HSD17B4: variants seen among roughly 807,000 people sequenced by gnomAD.
HSD17B4 encodes hydroxysteroid 17-beta dehydrogenase 4.
A neutral mutation model predicts 101.0 loss-of-function variants in HSD17B4; 70 were observed. The observed-to-expected ratio is 0.69, with a 90% CI of 0.57 to 0.85. The LOEUF is 0.85. Ranked by LOEUF, HSD17B4 falls within the 40% of genes least tolerant of loss-of-function variation. The probability of loss-of-function intolerance (pLI) is 0.00; values close to 1 mark genes in which losing one functional copy is unlikely to be tolerated. For synonymous variants in HSD17B4, 347 were observed against 297.1 expected (o/e 1.17, Z -1.73); for missense variants, 984 against 892.4 (o/e 1.10, Z -1.31).
At position 119,527,168 on chromosome 5, in the gene HSD17B4, T is replaced by C. The variant is rs756875057; in HGVS notation, c.1716T>C (p.Thr572=). The change falls in exon 20 of 24, where the codon ACT becomes ACC. Residue 572 remains threonine, a synonymous_variant. Coordinates refer to ENST00000510025, the MANE Select transcript of HSD17B4 (RefSeq NM_000414.4). ...RFAKPVYPGQ[T]LQTEMWKEGN... is the part of the protein sequence containing the mutation. ...CAAAACCAGTATATCCAGGACAAAC[T>C]CTACAAACTGAGATGTGGAAGGAAG... is the stretch of plus-strand genomic sequence containing the variant. The C allele has an allele frequency of 4.3e-6, 7 of 1,610,368 alleles. No homozygotes were observed. The Admixed American group carries it at 1.2e-4, about 27-fold the overall frequency.
Position 119,456,476 on chromosome 5 carries a change from T to A in HSD17B4, c.112+108T>A, listed in dbSNP as rs1754678305. The A allele has an allele frequency of 8.5e-6, 7 of 826,618 alleles. No individual in the cohort carries two copies. In the Admixed American group the frequency reaches 1.5e-4, roughly 17 times the overall value. The allele number at this position is 826,618 out of a possible 1,614,324, so 51.2% of individuals were successfully genotyped here. On this transcript the variant is annotated intron_variant, in intron 2 of 23. Transcript: ENST00000510025. Reference sequence around the variant, plus strand: ...ATAATTTGTCAAGGTTGAATTTTATTATTAATTTTTACTTTTGCCAGAAGG... The same window carrying A: ...ATAATTTGTCAAGGTTGAATTTTATAATTAATTTTTACTTTTGCCAGAAGG...
chr5:119,452,930 G>A, intron 1 of HSD17B4: 1 of 1,240,774 alleles, frequency 8.1e-7, no homozygotes, highest in East Asian at 2.5e-5. Flanking sequence ...AGTTCTCCCT[G>A]ACCCTTATCT....
rs775832137 is a variant in HSD17B4, at chr5:119,477,488, CAG to C, written c.423_424del (p.Lys142ValfsTer23). The stretch of plus-strand genomic sequence containing the variant: ...GGCAGCATGGGAACACATGAAGAAA[CAG>C]AAGTATGGAAGGTAGAGTTGCATGT... ...TRAAWEHMKK[Q>X]KYGRIIMTSS... On this transcript the variant is annotated frameshift_variant, in exon 7 of 24. Transcript: ENST00000510025. LOFTEE classifies it high-confidence loss of function. 3 of 1,611,542 alleles carry C rather than the reference CAG, an allele frequency of 1.9e-6. No individual in the cohort carries two copies. Among genetic ancestry groups the C allele is most frequent in the African/African-American group, 1.3e-5 (1 of 74,778 alleles).
chr5:119,468,464 A>G (rs925032973), intron 2 of HSD17B4, among the ~76,000 whole-genome samples: 1 of 150,046 alleles, frequency 6.7e-6, no homozygotes, highest in Non-Finnish European at 1.5e-5. Flanking sequence ...CCTGGCTTGT[A>G]ATGTTTCTGC....
At chr5:119,485,148 C>T (rs1749501806) in intron 8 of HSD17B4, among the ~76,000 whole-genome samples, 1 of 152,130 alleles carries the variant, frequency 6.6e-6, no homozygotes, top group Admixed American at 6.6e-5. Context: ...AAGAGACAAA[C>T]CACTAGTTAG....
chr5:119,508,333 A>G (rs767974414), intron 15 of HSD17B4, among the ~76,000 whole-genome samples: 15 of 152,190 alleles, frequency 9.9e-5, no homozygotes, highest in Non-Finnish European at 2.1e-4. Flanking sequence ...TTAGTATATT[A>G]GAATTTGTAG....
chr5:119,492,984 C>T (rs1028614185), intron 10 of HSD17B4: 1 of 152,088 alleles, frequency 6.6e-6, no homozygotes, highest in African/African-American at 2.4e-5. Context: ...TGGTCATTTT[C>T]TCTAATTGTT....
chr5:119,496,664 C>T lies in HSD17B4; in HGVS notation c.972+18C>T, dbSNP rs765456085. On this transcript the variant is annotated intron_variant, in intron 12 of 23. Coordinates refer to ENST00000510025, the MANE Select transcript of HSD17B4 (RefSeq NM_000414.4). Reference sequence around the variant, plus strand: ...CAGGATTTGTAAGTGGGAAAAAAGCCTAAAGCGTTTGCCTTCTCTGGAGAC... The same window carrying T: ...CAGGATTTGTAAGTGGGAAAAAAGCTTAAAGCGTTTGCCTTCTCTGGAGAC... The T allele has an allele frequency of 7.2e-7, 1 of 1,396,714 alleles. No homozygotes were observed. The allele number at this position is 1,396,714 out of a possible 1,614,324, so 86.5% of individuals were successfully genotyped here. A position where few individuals can be genotyped will look rare whatever the true frequency, so the allele number is the denominator to read the frequency against.
intron 14 of HSD17B4, 124 bp from the exon 15 acceptor site, chr5:119,506,694 A>G (rs1248700150): frequency 4.0e-5 from 24 of 593,046 alleles, no homozygotes; most frequent in Non-Finnish European, 6.2e-6. Flanking sequence ...CAGGAACACT[A>G]TTTCAAACCA....
intron 2 of HSD17B4, among the ~76,000 whole-genome samples, chr5:119,462,248 A>ATTTTTTTTT (rs10524491): frequency 0.012 from 347 of 30,034 alleles, 69 homozygotes; most frequent in African/African-American, 0.015. Flanking sequence ...AACAAATGTG[A>ATTTTTTTTT]TTTTTTTTTT....
rs758790787 is a variant in HSD17B4, at chr5:119,515,430, C to T, written c.1503+384C>T. The stretch of plus-strand genomic sequence containing the variant: ...GCAAGTAAGTATTAGTCATCCTTTC[C>T]TCTTTGGGAAAGAAAGCAATGCCAC... On this transcript the variant is annotated intron_variant, in intron 17 of 23. Transcript: ENST00000510025. Among the ~76,000 whole-genome samples, 7 of 152,248 alleles carry T rather than the reference C, an allele frequency of 4.6e-5. No homozygotes were observed. The South Asian group carries it at 1.5e-3, about 32-fold the overall frequency.
At chr5:119,526,131 T>C in intron 19 of HSD17B4, 108 bp downstream of exon 19, 1 of 733,540 alleles carries the variant, frequency 1.4e-6, no homozygotes, top group Non-Finnish European at 2.5e-6. Context: ...ACTACAGCAA[T>C]GTACATTTTT....
intron 2 of HSD17B4, chr5:119,472,368 C>T (rs1043968728): frequency 6.6e-6 from 1 of 151,812 alleles, no homozygotes; most frequent in African/African-American, 2.4e-5. Flanking sequence ...TTTAAGTGTA[C>T]AATATAGTAT....
Position 119,477,513 on chromosome 5 carries a change from T to C in HSD17B4, c.434+12T>C. 1 of 1,589,522 alleles carries C rather than the reference T, an allele frequency of 6.3e-7. No homozygotes were observed. The highest frequency in any genetic ancestry group is 2.2e-5 in the East Asian group (1 of 44,738). On this transcript the variant is annotated intron_variant, in intron 7 of 23. Transcript: ENST00000510025. Reference sequence around the variant, plus strand: ...CAGAAGTATGGAAGGTAGAGTTGCATGTGGTTGTCAAGGGGGATTTAAGAT... The same window carrying C: ...CAGAAGTATGGAAGGTAGAGTTGCACGTGGTTGTCAAGGGGGATTTAAGAT...
At chr5:119,479,105 A>C in intron 8 of HSD17B4, 84 bp downstream of exon 8, 1 of 969,760 alleles carries the variant, frequency 1.0e-6, no homozygotes, top group Non-Finnish European at 1.6e-6. Context: ...TAATTTTCTG[A>C]ATACTTAAAA....
intron 8 of HSD17B4, 118 bp from the exon 9 acceptor site, chr5:119,489,074 A>G (rs1749859916): frequency 1.7e-5 from 12 of 720,276 alleles, no homozygotes; most frequent in Non-Finnish European, 3.0e-5. Context: ...TAGACTAGTT[A>G]TATACATACT....
intron 1 of HSD17B4, among the ~76,000 whole-genome samples, chr5:119,455,694 C>T (rs1308492199): frequency 6.6e-6 from 1 of 151,968 alleles, no homozygotes; most frequent in Non-Finnish European, 1.5e-5. Flanking sequence ...ACAGAAACCA[C>T]TAGATATTTT....
At chr5:119,516,969 T>G (rs1752665477) in intron 17 of HSD17B4, among the ~76,000 whole-genome samples, 1 of 152,250 alleles carries the variant, frequency 6.6e-6, no homozygotes, top group Non-Finnish European at 1.5e-5. Flanking sequence ...TCGCTCGCTC[T>G]CGGCGCCTCC....
At chr5:119,496,710 C>T (rs1439433908) in intron 12 of HSD17B4, 64 bp downstream of exon 12, 1 of 870,080 alleles carries the variant, frequency 1.1e-6, no homozygotes, top group Non-Finnish European at 2.0e-6. Context: ...TTCTTCCCTC[C>T]CTGCTTTCTT....
Sources: gnomAD v4.1 joint callset for allele counts (sites outside exome capture counted in the v4.1 genomes callset) on GRCh38, gnomAD v4.1.1 for gene constraint, MANE v1.5 for transcripts, NCBI Gene and HGNC (gene_info 2026-07-23, HGNC 2026-07-21) for gene names.